SMIM35: variants seen among roughly 807,000 people sequenced by gnomAD.
SMIM35 encodes the protein small integral membrane protein 35, also known as TMPRSS4 antisense RNA 1 (non-protein coding).
At chr11:118,015,249 G>A (rs1440809667) in intron 2 of SMIM35, among the ~76,000 whole-genome samples, 1 of 152,194 alleles carries the variant, frequency 6.6e-6, no homozygotes, top group Non-Finnish European at 1.5e-5. Context: ...ATGTCTCAGA[G>A]TTGAGAACAC....
intron 1 of SMIM35, among the ~76,000 whole-genome samples, chr11:118,072,696 T>C (rs968635668): frequency 6.6e-6 from 1 of 152,244 alleles, no homozygotes; most frequent in African/African-American, 2.4e-5. Context: ...AACATCTTTT[T>C]AAGCTTACTG....
At chr11:118,017,508 T>A (rs1404449934) in intron 1 of SMIM35, among the ~76,000 whole-genome samples, 1 of 151,938 alleles carries the variant, frequency 6.6e-6, no homozygotes, top group Admixed American at 6.6e-5. Context: ...AATAAAGAAA[T>A]TAATTATATA....
In SMIM35 at chr11:118,025,539, T is replaced by C. The variant is rs1363755970; in HGVS notation, c.8-9730A>G. Reference sequence around the variant, plus strand: ...GTTTTGATTTGCATTTTTCCAATGATTAGTGATGTTGAGAGCATTTTTTCG... The same window carrying C: ...GTTTTGATTTGCATTTTTCCAATGACTAGTGATGTTGAGAGCATTTTTTCG... On this transcript the variant is annotated intron_variant, in intron 1 of 4. Transcript: ENST00000689828. 1.1e-5 allele frequency: 5 copies of C among 455,424 alleles called. No homozygotes were observed. The Admixed American group carries it at 1.2e-4, about 11-fold the overall frequency. 28.2% of individuals were successfully genotyped at this position (455,424 alleles called of 1,614,324 possible).
At chr11:118,042,616 T>TCA (rs1944023485) in intron 1 of SMIM35, among the ~76,000 whole-genome samples, 1 of 152,120 alleles carries the variant, frequency 6.6e-6, no homozygotes, top group Non-Finnish European at 1.5e-5. Flanking sequence ...ATAAGGCAAA[T>TCA]ATTACCCTGA....
intron 1 of SMIM35, among the ~76,000 whole-genome samples, chr11:118,018,571 C>T (rs1023765086): frequency 2.6e-5 from 4 of 152,116 alleles, no homozygotes; most frequent in African/African-American, 7.2e-5. Context: ...GTCAACACAG[C>T]GTCATAGTGA....
intron 1 of SMIM35, among the ~76,000 whole-genome samples, chr11:118,081,535 C>T (rs1172923469): frequency 6.6e-6 from 1 of 152,224 alleles, no homozygotes; most frequent in Non-Finnish European, 1.5e-5. Flanking sequence ...CAGAAACTCT[C>T]GAAGGGTAGC....
intron 1 of SMIM35, among the ~76,000 whole-genome samples, chr11:118,043,190 G>A (rs575721061): frequency 2.0e-5 from 3 of 152,194 alleles, no homozygotes; most frequent in South Asian, 4.1e-4. Flanking sequence ...AGATTGGAAA[G>A]GAAGAAATGA....
chr11:118,039,798 C>T (rs1388476274), intron 1 of SMIM35, among the ~76,000 whole-genome samples: 1 of 151,790 alleles, frequency 6.6e-6, no homozygotes, highest in Non-Finnish European at 1.5e-5. Context: ...CATCTGTAAT[C>T]CCAGCAATTT....
At chr11:118,023,736 T>TA (rs1036813089) in intron 1 of SMIM35, among the ~76,000 whole-genome samples, 2 of 151,628 alleles carry the variant, frequency 1.3e-5, no homozygotes, top group African/African-American at 2.4e-5. Flanking sequence ...AAAAAAGTAA[T>TA]AAAACAAATG....
chr11:118,015,090 T>C (rs917836425), intron 2 of SMIM35, among the ~76,000 whole-genome samples: 1 of 152,228 alleles, frequency 6.6e-6, no homozygotes. Context: ...AAAATCATAT[T>C]AGACAAAAGT....
chr11:118,036,119 T>C (rs1407298409), intron 1 of SMIM35, among the ~76,000 whole-genome samples: 1 of 152,116 alleles, frequency 6.6e-6, no homozygotes, highest in Non-Finnish European at 1.5e-5. Context: ...ACTCCTGACC[T>C]CAAGTGATCC....
intron 1 of SMIM35, among the ~76,000 whole-genome samples, chr11:118,024,237 C>T (rs752405478): frequency 2.1e-4 from 32 of 152,038 alleles, no homozygotes; most frequent in Non-Finnish European, 3.4e-4. Flanking sequence ...ATTCTGGTGC[C>T]CATGGTTGAT....
intron 1 of SMIM35, among the ~76,000 whole-genome samples, chr11:118,061,185 C>G (rs895820384): frequency 1.3e-5 from 2 of 152,236 alleles, no homozygotes; most frequent in Non-Finnish European, 2.9e-5. Flanking sequence ...GGCCAAGGCG[C>G]AAGCCCAGCA....
chr11:118,054,208 CTTGT>C (rs1229895543), intron 1 of SMIM35, among the ~76,000 whole-genome samples: 2 of 141,536 alleles, frequency 1.4e-5, no homozygotes, highest in East Asian at 2.0e-4. Flanking sequence ...TGTTTGTTTG[CTTGT>C]TTGTTTTCAA....
chr11:118,063,311 T>C (rs1056052698), intron 1 of SMIM35, among the ~76,000 whole-genome samples: 1 of 152,210 alleles, frequency 6.6e-6, no homozygotes, highest in Admixed American at 6.5e-5. Flanking sequence ...CCCTTTCCTA[T>C]AACACTTCTA....
chr11:118,054,709 G>GT (rs1944283449), intron 1 of SMIM35, among the ~76,000 whole-genome samples: 1 of 151,176 alleles, frequency 6.6e-6, no homozygotes, highest in Non-Finnish European at 1.5e-5. Flanking sequence ...GTCCTGTTGT[G>GT]TTTTTATATG....
chr11:118,025,736 A>C (rs781526405), intron 1 of SMIM35: 1 of 454,488 alleles, frequency 2.2e-6, no homozygotes, highest in Non-Finnish European at 4.4e-6. Context: ...CTCCCATTCT[A>C]TAGGTTGTCT....
intron 1 of SMIM35, among the ~76,000 whole-genome samples, chr11:118,044,341 G>A (rs927790123): frequency 6.8e-6 from 1 of 146,602 alleles, no homozygotes; most frequent in Non-Finnish European, 1.5e-5. Flanking sequence ...AAATGCAGCC[G>A]TGAGTACGTG....
intron 1 of SMIM35, among the ~76,000 whole-genome samples, chr11:118,054,232 C>T (rs1277265914): frequency 2.0e-5 from 3 of 151,322 alleles, no homozygotes; most frequent in African/African-American, 4.9e-5. Flanking sequence ...AATTTGGCTC[C>T]CTGAAAGTGC....
Sources: allele counts gnomAD v4.1 joint callset (sites outside exome capture counted in the v4.1 genomes callset), GRCh38; gene constraint gnomAD v4.1.1; transcripts MANE v1.5; gene names NCBI Gene and HGNC (gene_info 2026-07-23, HGNC 2026-07-21).